Variants in GLRA3 observed in about 807,000 individuals in gnomAD.
The protein encoded by GLRA3 is glycine receptor subunit alpha-3.
GLRA3 carries 44 observed loss-of-function variants against 60.4 expected under a neutral mutation model. The observed-to-expected ratio is 0.73, with a 90% CI of 0.57 to 0.94. The LOEUF (loss-of-function observed/expected upper bound fraction) is 0.94, where lower values mean the gene tolerates loss of function less well. GLRA3 is among the 40% of genes least tolerant of loss of function. GLRA3 has a pLI of 0.00. For missense variants in GLRA3, 508 were observed against 564.6 expected, an observed-to-expected ratio of 0.90 and a Z score of 1.02; for synonymous variants, 223 against 192.9, an observed-to-expected ratio of 1.16 and a Z score of -1.29.
chr4:174,819,452 C>T (rs1440818557), intron 1 of GLRA3, among the ~76,000 whole-genome samples: 1 of 152,162 alleles, frequency 6.6e-6, no homozygotes, highest in Non-Finnish European at 1.5e-5. Context: ...GAAACTGTGG[C>T]CTGTGCCAAC....
In GLRA3 at chr4:174,642,198, T is replaced by C. The variant is rs918298728; in HGVS notation, c.*1588A>G. The C allele has an allele frequency of 1.2e-6, 1 of 856,058 alleles. No homozygotes were observed. The highest frequency in any genetic ancestry group is 1.4e-6 in the Non-Finnish European group (1 of 711,836). 53.0% of individuals were successfully genotyped at this position (856,058 alleles called of 1,614,324 possible). ...AAAAAATTACAATTGTATAAGCTGA[T>C]GTACAATAACATTGTAAAGGTTTTA... On this transcript the variant is annotated 3_prime_UTR_variant, in exon 10 of 10. Coordinates refer to ENST00000274093, the MANE Select transcript of GLRA3 (RefSeq NM_006529.4).
At chr4:174,708,601 CTTTTTT>C (rs200207515) in intron 5 of GLRA3, among the ~76,000 whole-genome samples, 1 of 133,046 alleles carries the variant, frequency 7.5e-6, no homozygotes. Context: ...AACTTTTACT[CTTTTTT>C]TTTTTTTTTG....
intron 5 of GLRA3, among the ~76,000 whole-genome samples, chr4:174,690,497 GTATT>G (rs1482150369): frequency 2.0e-5 from 3 of 152,064 alleles, no homozygotes; most frequent in Non-Finnish European, 2.9e-5. Flanking sequence ...TGTTATTATT[GTATT>G]TATTTATTCA....
At position 174,721,901 on chromosome 4, in the gene GLRA3, G is replaced by A. The variant is rs192049819; in HGVS notation, c.492-6331C>T. On this transcript the variant is annotated intron_variant, in intron 4 of 9. Transcript: ENST00000274093. ...TGTATATATATATGTGTGTGTATGT[G>A]TGTATGTGTATATATGTGTATATAT... Among the ~76,000 whole-genome samples, 22 of 151,688 alleles carry A rather than the reference G, an allele frequency of 1.5e-4. No individual in the cohort carries two copies. In the Middle Eastern group the frequency reaches 0.01, roughly 70 times the overall value.
intron 5 of GLRA3, among the ~76,000 whole-genome samples, chr4:174,706,717 A>G (rs974892369): frequency 5.3e-5 from 8 of 152,228 alleles, no homozygotes; most frequent in African/African-American, 1.7e-4. Context: ...ATTCCAGAGC[A>G]TGAAGATGTT....
chr4:174,729,078 G>T (rs1312101598), intron 3 of GLRA3, among the ~76,000 whole-genome samples: 3 of 152,142 alleles, frequency 2.0e-5, no homozygotes, highest in African/African-American at 4.8e-5. Context: ...CTAGTTCTGA[G>T]GTTTTGGCCA....
In GLRA3 at chr4:174,705,251, T is replaced by G. The variant is rs1735469828; in HGVS notation, c.574+10237A>C. Among the ~76,000 whole-genome samples the G allele has an allele frequency of 1.4e-5, 2 of 143,478 alleles. 1 individual carries two copies. The highest frequency in any genetic ancestry group is 4.6e-4 in the East Asian group (2 of 4,362). The allele number at this position is 143,478 out of a possible 152,430, so 94.1% of individuals were successfully genotyped here. ...TATAAAAGGGTGGTTTCAGCCCCTTTTTGTGCCGGGCCCTTCTGTCTTCTG... is the reference window on the plus strand; with the variant it reads ...TATAAAAGGGTGGTTTCAGCCCCTTGTTGTGCCGGGCCCTTCTGTCTTCTG... On this transcript the variant is annotated intron_variant, in intron 5 of 9. Coordinates refer to ENST00000274093, the MANE Select transcript of GLRA3 (RefSeq NM_006529.4).
At chr4:174,760,494 A>G (rs1737894997) in intron 3 of GLRA3, among the ~76,000 whole-genome samples, 2 of 151,910 alleles carry the variant, frequency 1.3e-5, no homozygotes, top group Non-Finnish European at 2.9e-5. Flanking sequence ...TAGCTTGCAT[A>G]TATATACTAT....
At position 174,641,201 on chromosome 4, in the gene GLRA3, A is replaced by G. The variant is rs1245592550; in HGVS notation, c.*2585T>C. 1 of 152,160 alleles carries G rather than the reference A, an allele frequency of 6.6e-6. No homozygotes were observed. The highest frequency in any genetic ancestry group is 2.4e-5 in the African/African-American group (1 of 41,476). The allele number at this position is 152,160 out of a possible 1,614,324, so 9.4% of individuals were successfully genotyped here. A position where few individuals can be genotyped will look rare whatever the true frequency, so the allele number is the denominator to read the frequency against. Reference sequence around the variant, plus strand: ...TGGCTATTTTAAAATACTTCAGAATATGCACATTGGAATTCCAATTTGTGT... The same window carrying G: ...TGGCTATTTTAAAATACTTCAGAATGTGCACATTGGAATTCCAATTTGTGT... On this transcript the variant is annotated 3_prime_UTR_variant, in exon 10 of 10. Transcript: ENST00000274093.
intron 2 of GLRA3, among the ~76,000 whole-genome samples, chr4:174,776,979 T>C (rs768209615): frequency 1.3e-5 from 2 of 152,110 alleles, no homozygotes; most frequent in Non-Finnish European, 2.9e-5. Flanking sequence ...ATCTGAACAA[T>C]TCTGTTTATA....
intron 1 of GLRA3, among the ~76,000 whole-genome samples, chr4:174,825,168 A>G (rs1226019705): frequency 6.6e-6 from 1 of 152,094 alleles, no homozygotes; most frequent in Non-Finnish European, 1.5e-5. Flanking sequence ...TATAGCAAAG[A>G]TTTTTTTAAA....
chr4:174,721,854 C>T (rs1012189286), intron 4 of GLRA3, among the ~76,000 whole-genome samples: 1 of 150,032 alleles, frequency 6.7e-6, no homozygotes, highest in African/African-American at 2.5e-5. Flanking sequence ...TGTGTGTATA[C>T]ATATGTGTGT....
intron 1 of GLRA3, among the ~76,000 whole-genome samples, chr4:174,800,131 G>A (rs569763127): frequency 5.4e-4 from 82 of 151,922 alleles, no homozygotes; most frequent in African/African-American, 1.6e-3. Context: ...TTACTTGTTC[G>A]GAAAGCAAAC....
At chr4:174,684,846 A>G (rs1484115415) in intron 5 of GLRA3, among the ~76,000 whole-genome samples, 2 of 152,088 alleles carry the variant, frequency 1.3e-5, no homozygotes, top group Non-Finnish European at 2.9e-5. Flanking sequence ...CGTTTCTACT[A>G]AAAAACACAA....
intron 1 of GLRA3, among the ~76,000 whole-genome samples, chr4:174,808,836 A>G (rs927868065): frequency 6.6e-6 from 1 of 152,340 alleles, no homozygotes; most frequent in African/African-American, 2.4e-5. Flanking sequence ...CTTATAGAAT[A>G]AAGATATAAA....
At chr4:174,788,780 A>T in intron 2 of GLRA3, 36 bp downstream of exon 2, 2 of 1,463,592 alleles carry the variant, frequency 1.4e-6, no homozygotes, top group Non-Finnish European at 1.9e-6. Flanking sequence ...AAGTATATTT[A>T]AAACACACAT....
At chr4:174,702,187 A>G (rs1027228205) in intron 5 of GLRA3, among the ~76,000 whole-genome samples, 8 of 152,200 alleles carry the variant, frequency 5.3e-5, no homozygotes, top group Non-Finnish European at 1.2e-4. Flanking sequence ...GCCAACCTTC[A>G]GCAACCAGCA....
intron 7 of GLRA3, among the ~76,000 whole-genome samples, chr4:174,664,429 A>C (rs1733577546): frequency 6.6e-6 from 1 of 152,088 alleles, no homozygotes; most frequent in Non-Finnish European, 1.5e-5. Flanking sequence ...AACAAACAAA[A>C]AAACAACAAC....
At chr4:174,684,204 A>G (rs964625583) in intron 5 of GLRA3, among the ~76,000 whole-genome samples, 1 of 152,212 alleles carries the variant, frequency 6.6e-6, no homozygotes, top group African/African-American at 2.4e-5. Flanking sequence ...GTATTTTAAA[A>G]AAAAGTATAT....
Sources: gnomAD v4.1 joint callset for allele counts (sites outside exome capture counted in the v4.1 genomes callset) on GRCh38, gnomAD v4.1.1 for gene constraint, MANE v1.5 for transcripts, NCBI Gene and HGNC (gene_info 2026-07-23, HGNC 2026-07-21) for gene names.